Variants in TMEM179 observed in about 807,000 individuals in gnomAD.
TMEM179 encodes transmembrane protein 179A.
A neutral mutation model predicts 22.2 loss-of-function variants in TMEM179; 17 were observed. The ratio of observed to expected loss-of-function variants is 0.77; its 90% CI spans 0.52 to 1.15. The LOEUF (loss-of-function observed/expected upper bound fraction) is 1.15. Among genes scored for constraint, TMEM179 ranks in the 50% most tolerant of loss-of-function variants. The pLI, the probability that TMEM179 is intolerant of heterozygous loss-of-function variation, is 0.00. For missense variants in TMEM179, 265 were observed against 313.6 expected (o/e 0.84, Z 1.17); for synonymous variants, 127 against 140.5 (o/e 0.90, Z 0.68).
chr14:104,601,031 G>A (rs1887220372), intron 1 of TMEM179, among the ~76,000 whole-genome samples: 1 of 152,228 alleles, frequency 6.6e-6, no homozygotes, highest in African/African-American at 2.4e-5. Flanking sequence ...CGATGGCCCT[G>A]AGAGCCCTTG....
intron 1 of TMEM179, among the ~76,000 whole-genome samples, chr14:104,599,768 CAG>C (rs1277828499): frequency 6.6e-6 from 1 of 152,092 alleles, no homozygotes; most frequent in African/African-American, 2.4e-5. Context: ...TTTCAGCCTC[CAG>C]AGAGAGAATG....
chr14:104,595,486 AC>A lies in TMEM179; in HGVS notation c.444-244del, dbSNP rs1304189282. Among the ~76,000 whole-genome samples the A allele has an allele frequency of 2.0e-5, 3 of 152,062 alleles. No individual in the cohort carries two copies. Among genetic ancestry groups the A allele is most frequent in the Non-Finnish European group, 4.4e-5 (3 of 67,980 alleles). On this transcript the variant is annotated intron_variant, in intron 2 of 3. Coordinates refer to ENST00000556573, the MANE Select transcript of TMEM179 (RefSeq NM_001286389.2). This position sits in a 1 kb window ranked among gnomAD's most constrained non-coding sequence, Gnocchi z 5.7. ...TGTCCTGGCCCTGGACAGCCAGAAG[AC>A]GCCAGCTCTGCCTCTGCCCTCCTGG...
At chr14:104,596,486 C>T (rs1161608400) in intron 2 of TMEM179, among the ~76,000 whole-genome samples, 1 of 152,226 alleles carries the variant, frequency 6.6e-6, no homozygotes, top group African/African-American at 2.4e-5. Context: ...TCCTGTTCTT[C>T]ACCATCCCCG....
Position 104,591,263 on chromosome 14 carries a change from A to G in TMEM179, c.*2216T>C. On this transcript the variant is annotated 3_prime_UTR_variant, in exon 4 of 4. Coordinates refer to ENST00000556573, the MANE Select transcript of TMEM179 (RefSeq NM_001286389.2). ...CAGTGCAGCCCCCAAGAACAGACCC[A>G]ACCGGGGCCAAGCCTCAGGTTCCAG... is the stretch of plus-strand genomic sequence containing the variant. 2.3e-6 allele frequency: 1 copy of G among 426,456 alleles called. No homozygotes were observed. Among genetic ancestry groups the G allele is most frequent in the Non-Finnish European group, 4.7e-6 (1 of 214,728 alleles). The allele number at this position is 426,456 out of a possible 1,614,324, so 26.4% of individuals were successfully genotyped here.
intron 1 of TMEM179, among the ~76,000 whole-genome samples, chr14:104,599,565 TC>T (rs1275985235): frequency 2.0e-5 from 3 of 152,090 alleles, no homozygotes; most frequent in Non-Finnish European, 4.4e-5. Flanking sequence ...AACCCCAAAA[TC>T]CATCTGGCCT....
chr14:104,596,833 GCACAGGTATGCA>G (rs1887039018), intron 2 of TMEM179, among the ~76,000 whole-genome samples, 145 bp downstream of exon 2: 1 of 152,148 alleles, frequency 6.6e-6, no homozygotes, highest in South Asian at 2.1e-4. Context: ...GGAAGGGGCT[GCACAGGTATGCA>G]CAGGCAGGGG....
At chr14:104,596,908 G>C in intron 2 of TMEM179, 82 bp downstream of exon 2, 1 of 1,533,200 alleles carries the variant, frequency 6.5e-7, no homozygotes, top group South Asian at 1.2e-5. Flanking sequence ...CTTCGTGAGG[G>C]AAGATCACCC....
intron 1 of TMEM179, among the ~76,000 whole-genome samples, chr14:104,603,573 G>A (rs1241404709): frequency 6.9e-6 from 1 of 144,196 alleles, no homozygotes; most frequent in Non-Finnish European, 1.5e-5. Context: ...GCTCACAGAG[G>A]GGGTGGGTGG....
rs559297696 is a variant in TMEM179, at chr14:104,603,118, C to T, written c.305+1319G>A. On this transcript the variant is annotated intron_variant, in intron 1 of 3. Coordinates refer to ENST00000556573, the MANE Select transcript of TMEM179 (RefSeq NM_001286389.2). ...CAACTGTGCTGCAGCAGCCCCAGGGCGCTCCTACCCACAGGCGCTGGGATT... is the reference window on the plus strand; with the variant it reads ...CAACTGTGCTGCAGCAGCCCCAGGGTGCTCCTACCCACAGGCGCTGGGATT... 2.1e-4 allele frequency among the ~76,000 whole-genome samples: 32 copies of T among 152,264 alleles called. 1 individual carries two copies. Among genetic ancestry groups the T allele is most frequent in the African/African-American group, 7.5e-4 (31 of 41,538 alleles).
chr14:104,604,559 C>T lies in TMEM179; in HGVS notation c.183G>A (p.Thr61=), dbSNP rs773778156. The T allele has an allele frequency of 6.5e-6, 10 of 1,533,736 alleles. No individual in the cohort carries two copies. The highest frequency in any genetic ancestry group is 5.1e-5 in the East Asian group (2 of 39,302). ...NLTVQERERF[T]VQEWGPPAAC... is the part of the protein sequence containing the mutation. ...CGGCCGGCGGGCCCCACTCCTGCACCGTGAAGCGCTCGCGCTCCTGCACCG... is the reference window on the plus strand; with the variant it reads ...CGGCCGGCGGGCCCCACTCCTGCACTGTGAAGCGCTCGCGCTCCTGCACCG... Residue 61 remains threonine, a synonymous_variant, in exon 1 of 4, where the codon ACG becomes ACA. Coordinates refer to ENST00000556573, the MANE Select transcript of TMEM179 (RefSeq NM_001286389.2). The surrounding 1 kb of genome is among the most constrained non-coding windows in gnomAD (Gnocchi z 4.6).
At position 104,595,050 on chromosome 14, in the gene TMEM179, T is replaced by C. The variant is rs767447418; in HGVS notation, c.522+115A>G. On this transcript the variant is annotated intron_variant, in intron 3 of 3. Coordinates refer to ENST00000556573, the MANE Select transcript of TMEM179 (RefSeq NM_001286389.2). The surrounding 1 kb of genome is among the most constrained non-coding windows in gnomAD (Gnocchi z 5.7). ...TGCCTGGTCCCATTGCTAACTACCTTATCCACACAGGAGCCTGCCTCCTCC... is the reference window on the plus strand; with the variant it reads ...TGCCTGGTCCCATTGCTAACTACCTCATCCACACAGGAGCCTGCCTCCTCC... The C allele has an allele frequency of 6.4e-7, 1 of 1,565,698 alleles. No individual in the cohort carries two copies. The highest frequency in any genetic ancestry group is 2.3e-5 in the East Asian group (1 of 43,750).
At chr14:104,596,193 G>A (rs946998381) in intron 2 of TMEM179, among the ~76,000 whole-genome samples, 11 of 152,270 alleles carry the variant, frequency 7.2e-5, no homozygotes, top group Non-Finnish European at 1.5e-4. Context: ...TGCTGCATCT[G>A]TTGCAGATGC....
rs1887091968 is a variant in TMEM179, at chr14:104,597,892, C to T, written c.306-765G>A. Among the ~76,000 whole-genome samples, 2 of 152,214 alleles carry T rather than the reference C, an allele frequency of 1.3e-5. No homozygotes were observed. The highest frequency in any genetic ancestry group is 2.9e-5 in the Non-Finnish European group (2 of 68,026). On this transcript the variant is annotated intron_variant, in intron 1 of 3. Coordinates refer to ENST00000556573, the MANE Select transcript of TMEM179 (RefSeq NM_001286389.2). This position sits in a 1 kb window ranked among gnomAD's most constrained non-coding sequence, Gnocchi z 4.8. ...ATCCATTTAAACTTAAAAGGCCAGG[C>T]TGTGATTGGGCCCATCTGACCAGGG...
Position 104,593,562 on chromosome 14 carries a change from T to C in TMEM179, c.619A>G (p.Ser207Gly). The C allele has an allele frequency of 6.5e-7, 1 of 1,533,452 alleles. No homozygotes were observed. Among genetic ancestry groups the C allele is most frequent in the South Asian group, 1.2e-5 (1 of 83,836 alleles). The allele number at this position is 1,533,452 out of a possible 1,614,324, so 95.0% of individuals were successfully genotyped here. Residue 207 changes from serine to glycine, a missense_variant, in exon 4 of 4, where the codon AGC (serine) becomes GGC (glycine). Transcript: ENST00000556573. Reference sequence around the variant, plus strand: ...AGCAGCTCCTTCTCGTGGATCAGGCTGTCCAGCAGGTCCTCCTGACGGTAG... The same window carrying C: ...AGCAGCTCCTTCTCGTGGATCAGGCCGTCCAGCAGGTCCTCCTGACGGTAG... ...HNYRQEDLLD[S>G]LIHEKELLLA...
In TMEM179 at chr14:104,593,487, C is replaced by T. The variant is rs1174360236; in HGVS notation, c.694G>A (p.Val232Ile). The T allele has an allele frequency of 3.3e-6, 5 of 1,535,936 alleles. No individual in the cohort carries two copies. The African/African-American group carries it at 5.5e-5, about 17-fold the overall frequency. ...CCCTGCCTGCACTGTGCCTAAATGA[C>T]AGCGCTCTTCTCCTCTTGGAAGGAG... The part of the protein sequence containing the change: ...RTSFQEEKSA[V>I]I The change falls in exon 4 of 4, where the codon GTC becomes ATC. Residue 232 changes from valine (V) to isoleucine (I), a missense_variant. Coordinates refer to ENST00000556573, the MANE Select transcript of TMEM179 (RefSeq NM_001286389.2).
rs1448537937 is a variant in TMEM179, at chr14:104,597,477, C to A, written c.306-350G>T. Among the ~76,000 whole-genome samples the A allele has an allele frequency of 2.0e-5, 3 of 152,182 alleles. No individual in the cohort carries two copies. The highest frequency in any genetic ancestry group is 4.8e-5 in the African/African-American group (2 of 41,438). On this transcript the variant is annotated intron_variant, in intron 1 of 3. Transcript: ENST00000556573. This position sits in a 1 kb window ranked among gnomAD's most constrained non-coding sequence, Gnocchi z 4.8. ...TGACACCCTTCCAAAGCCGTCCAGC[C>A]ACAGTCACCAGCAACTCTGGCCCAG...
At position 104,595,416 on chromosome 14, in the gene TMEM179, T is replaced by C. The variant is rs1886987725; in HGVS notation, c.444-173A>G. On this transcript the variant is annotated intron_variant, in intron 2 of 3. Transcript: ENST00000556573. This position sits in a 1 kb window ranked among gnomAD's most constrained non-coding sequence, Gnocchi z 5.7. ...AGGGTTAGCCTCGATGCCTCCTCCA[T>C]GGAGCAGGACAGCCTTTGGGGAAGG... Among the ~76,000 whole-genome samples, 1 of 152,070 alleles carries C rather than the reference T, an allele frequency of 6.6e-6. No individual in the cohort carries two copies. The highest frequency in any genetic ancestry group is 1.5e-5 in the Non-Finnish European group (1 of 67,986).
intron 2 of TMEM179, among the ~76,000 whole-genome samples, chr14:104,596,253 AG>A (rs1448262727): frequency 6.6e-6 from 1 of 152,194 alleles, no homozygotes; most frequent in Non-Finnish European, 1.5e-5. Context: ...GAAACTCTGG[AG>A]GGTTCCTGTC....
Position 104,593,250 on chromosome 14 carries a change from A to G in TMEM179, c.*229T>C. ...CCCCCCGCCCCCGCCCCACACCCAT[A>G]GTCTCTCTGCACCATCCTCATCAGG... On this transcript the variant is annotated 3_prime_UTR_variant, in exon 4 of 4. Transcript: ENST00000556573. 1.7e-6 allele frequency: 1 copy of G among 590,772 alleles called. No individual in the cohort carries two copies. Among genetic ancestry groups the G allele is most frequent in the Non-Finnish European group, 3.0e-6 (1 of 337,470 alleles). 36.6% of individuals were successfully genotyped at this position (590,772 alleles called of 1,614,324 possible). A position where few individuals can be genotyped will look rare whatever the true frequency, so the allele number is the denominator to read the frequency against.
Sources: gnomAD v4.1 joint callset for allele counts (sites outside exome capture counted in the v4.1 genomes callset) on GRCh38, gnomAD v4.1.1 for gene constraint, Gnocchi (gnomAD v3.1) non-coding constraint, MANE v1.5 for transcripts, NCBI Gene and HGNC (gene_info 2026-07-23, HGNC 2026-07-21) for gene names.